NLRP8: variants seen among roughly 807,000 people sequenced by gnomAD.
NLRP8 encodes the protein NLR family pyrin domain containing 8, also known as NACHT, LRR and PYD domains-containing protein 8.
NLRP8 carries 86 observed loss-of-function variants against 88.7 expected under a neutral mutation model. The observed-to-expected ratio is 0.97, with a 90% CI of 0.81 to 1.16. The LOEUF (loss-of-function observed/expected upper bound fraction) is 1.16, where lower values mean the gene tolerates loss of function less well. Among genes scored for constraint, NLRP8 ranks in the 50% most tolerant of loss-of-function variants. The probability of loss-of-function intolerance (pLI) is 0.00; values close to 1 mark genes in which losing one functional copy is unlikely to be tolerated. For missense variants in NLRP8, 1,342 were observed against 1,286.5 expected (o/e 1.04, Z -0.66); for synonymous variants, 504 against 494.6 (o/e 1.02, Z -0.25).
chr19:55,976,092 AGTTGTT>A (rs201466831), intron 7 of NLRP8, 35 bp from the exon 8 acceptor site: 2 of 1,457,338 alleles, frequency 1.4e-6, no homozygotes, highest in South Asian at 1.4e-5. Flanking sequence ...GTTTTGTTGT[AGTTGTT>A]GTTGTTGTTG....
chr19:55,955,461 T>A lies in NLRP8; in HGVS notation c.1403T>A (p.Val468Glu), dbSNP rs752543725. The stretch of plus-strand genomic sequence containing the variant: ...GACAGCATGTGGCACAGGAAATGGG[T>A]GTTAGGTAAAGAAGATCTTGAGGAA... Residue 468 changes from valine to glutamate, a missense_variant, in exon 3 of 10, where the codon GTG becomes GAG. Coordinates refer to ENST00000291971, the MANE Select transcript of NLRP8 (RefSeq NM_176811.2). The A allele has an allele frequency of 1.9e-6, 3 of 1,613,954 alleles. No individual in the cohort carries two copies. The African/African-American group carries it at 4.0e-5, about 22-fold the overall frequency.
intron 6 of NLRP8, 65 bp downstream of exon 6, chr19:55,970,761 T>C (rs1980042653): frequency 1.3e-6 from 2 of 1,595,098 alleles, no homozygotes; most frequent in African/African-American, 1.3e-5. Flanking sequence ...GTAGATTTAG[T>C]GCTTCTGTGA....
chr19:55,974,870 C>T (rs1334948550), intron 7 of NLRP8, among the ~76,000 whole-genome samples: 2 of 152,092 alleles, frequency 1.3e-5, no homozygotes, highest in African/African-American at 4.8e-5. Context: ...CTGTGTTTTA[C>T]TGTCTGTTCT....
intron 4 of NLRP8, among the ~76,000 whole-genome samples, chr19:55,963,656 C>T (rs542489873): frequency 6.6e-6 from 1 of 152,012 alleles, no homozygotes; most frequent in South Asian, 2.1e-4. Context: ...CTCAAGCAAT[C>T]CTCCCACCTC....
chr19:55,972,408 C>A (rs943178651), intron 6 of NLRP8, among the ~76,000 whole-genome samples: 6 of 138,180 alleles, frequency 4.3e-5, no homozygotes, highest in African/African-American at 1.5e-4. Context: ...AGCCACTGCA[C>A]CTAGTCTTTT....
chr19:55,975,207 C>T (rs7255090), intron 7 of NLRP8, among the ~76,000 whole-genome samples: 11,591 of 152,196 alleles, frequency 0.076, 534 homozygotes, highest in African/African-American at 0.12. Flanking sequence ...GCTCTGCCTG[C>T]GTGAATTCCC....
At chr19:55,974,539 G>T (rs1211553406) in intron 7 of NLRP8, among the ~76,000 whole-genome samples, 2 of 151,962 alleles carry the variant, frequency 1.3e-5, no homozygotes, top group African/African-American at 4.8e-5. Context: ...ACGAGGTCAG[G>T]AGATCGAGAC....
intron 1 of NLRP8, among the ~76,000 whole-genome samples, chr19:55,951,375 T>C (rs1979087512): frequency 6.6e-6 from 1 of 152,230 alleles, no homozygotes; most frequent in Non-Finnish European, 1.5e-5. Flanking sequence ...ACAAACGTTG[T>C]GTTTTCCTGG....
At chr19:55,966,132 C>T (rs1037549171) in intron 4 of NLRP8, 81 bp from the exon 5 acceptor site, 15 of 1,379,206 alleles carry the variant, frequency 1.1e-5, no homozygotes, top group South Asian at 6.5e-5. Context: ...GTGCAGCTTC[C>T]GGGAGCCTCG....
At chr19:55,978,915 C>G (rs1233988553) in intron 8 of NLRP8, among the ~76,000 whole-genome samples, 1 of 152,152 alleles carries the variant, frequency 6.6e-6, no homozygotes. Context: ...CAGAGTGAGA[C>G]TCAGTCTCCA....
intron 9 of NLRP8, among the ~76,000 whole-genome samples, chr19:55,986,708 C>A (rs1874299063): frequency 6.6e-6 from 1 of 152,182 alleles, no homozygotes; most frequent in Non-Finnish European, 1.5e-5. Flanking sequence ...ACTGGCTCAG[C>A]GCTCCCCAGG....
chr19:55,958,847 A>T lies in NLRP8; in HGVS notation c.2042+2747A>T, dbSNP rs570077537. Among the ~76,000 whole-genome samples the T allele has an allele frequency of 4.3e-4, 65 of 151,782 alleles. 1 individual carries two copies. The South Asian group carries it at 0.013, about 30-fold the overall frequency. The stretch of plus-strand genomic sequence containing the variant: ...ATTACAGGTGTGAGCCACCGCGTCC[A>T]GCCAGGGCCTATTTTTTGTTTTTTG... On this transcript the variant is annotated intron_variant, in intron 3 of 9. Coordinates refer to ENST00000291971, the MANE Select transcript of NLRP8 (RefSeq NM_176811.2).
Position 55,956,081 on chromosome 19 carries a change from A to C in NLRP8, c.2023A>C (p.Ser675Arg). 1.2e-6 allele frequency: 2 copies of C among 1,613,178 alleles called. No individual in the cohort carries two copies. Among genetic ancestry groups the C allele is most frequent in the Non-Finnish European group, 8.5e-7 (1 of 1,179,408 alleles). The change falls in exon 3 of 10, where the codon AGC (serine) becomes CGC (arginine). Residue 675 changes from serine to arginine, a missense_variant. Physicochemically the swap from Ser to Arg is moderately radical, Grantham distance 110 (BLOSUM62 -1). Coordinates refer to ENST00000291971, the MANE Select transcript of NLRP8 (RefSeq NM_176811.2). ...CATGAACGTGTGGAAGCTCAGCTCC[A>C]GCTCCCATCCTGGCTCTGAGTAAGT...
intron 2 of NLRP8, among the ~76,000 whole-genome samples, chr19:55,953,717 C>G (rs1275325886): frequency 1.3e-5 from 2 of 150,246 alleles, no homozygotes; most frequent in African/African-American, 2.5e-5. Flanking sequence ...CCAGGCTGGT[C>G]TCAAACTCCT....
At chr19:55,986,574 G>A (rs1010988022) in intron 9 of NLRP8, among the ~76,000 whole-genome samples, 1 of 152,130 alleles carries the variant, frequency 6.6e-6, no homozygotes, top group Non-Finnish European at 1.5e-5. Context: ...CAGGTGTGTG[G>A]TGGTAAAGGC....
At chr19:55,949,386 C>T (rs925935996) in intron 1 of NLRP8, among the ~76,000 whole-genome samples, 1 of 151,956 alleles carries the variant, frequency 6.6e-6, no homozygotes, top group Non-Finnish European at 1.5e-5. Context: ...TACAGGTGCG[C>T]ACCACCACAC....
At chr19:55,956,613 G>A (rs933672182) in intron 3 of NLRP8, among the ~76,000 whole-genome samples, 5 of 152,102 alleles carry the variant, frequency 3.3e-5, no homozygotes, top group African/African-American at 9.7e-5. Flanking sequence ...GTCCCAGTTT[G>A]TTTAGGATTA....
At position 55,954,138 on chromosome 19, in the gene NLRP8, G is replaced by A. The variant is rs183702644; in HGVS notation, c.443-363G>A. On this transcript the variant is annotated intron_variant, in intron 2 of 9. Transcript: ENST00000291971. Reference sequence around the variant, plus strand: ...TTTCTGATTTGAATGGAGATAACACGGCTAACACTACAGCAGCGATCTTCT... The same window carrying A: ...TTTCTGATTTGAATGGAGATAACACAGCTAACACTACAGCAGCGATCTTCT... Among the ~76,000 whole-genome samples, 735 of 152,106 alleles carry A rather than the reference G, an allele frequency of 4.8e-3. 7 individuals are homozygous for A. Among genetic ancestry groups the A allele is most frequent in the African/African-American group, 0.017 (692 of 41,486 alleles).
At chr19:55,970,390 T>C (rs1980021162) in intron 5 of NLRP8, among the ~76,000 whole-genome samples, 154 bp from the exon 6 acceptor site, 1 of 152,118 alleles carries the variant, frequency 6.6e-6, no homozygotes, top group African/African-American at 2.4e-5. Context: ...AGGAAGTTCC[T>C]GAGCTTGGTG....
Sources: allele counts gnomAD v4.1 joint callset (sites outside exome capture counted in the v4.1 genomes callset), GRCh38; gene constraint gnomAD v4.1.1; transcripts MANE v1.5; gene names NCBI Gene and HGNC (gene_info 2026-07-23, HGNC 2026-07-21).